IL1RAPL2: variants seen among roughly 807,000 people sequenced by gnomAD.
IL1RAPL2 encodes the protein interleukin 1 receptor accessory protein like 2, also known as X-linked interleukin-1 receptor accessory protein-like 2.
Under a neutral mutation model 44.1 loss-of-function variants are expected in IL1RAPL2, and 3 were observed. That is an observed-to-expected ratio of 0.07 (90% CI 0.03 to 0.18). The LOEUF (loss-of-function observed/expected upper bound fraction) is 0.18, where lower values mean the gene tolerates loss of function less well. Among genes scored for constraint, IL1RAPL2 ranks in the 10% least tolerant of loss-of-function variants. IL1RAPL2 has a pLI of 1.00. For missense variants in IL1RAPL2, 391 were observed against 496.4 expected, an observed-to-expected ratio of 0.79 and a Z score of 2.02; for synonymous variants, 181 against 178.8, an observed-to-expected ratio of 1.01 and a Z score of -0.10.
rs2032540366 is a variant in IL1RAPL2 at position 105,091,264 on chromosome X, T to C, written c.83-104211T>C. ...GAAGCTTTTTGCAAAGACAGCCTCT[T>C]CTCAAATGTATACCTGGCAGTAATT... On this transcript the variant is annotated intron_variant, in intron 2 of 10. Coordinates refer to ENST00000372582, the MANE Select transcript of IL1RAPL2 (RefSeq NM_017416.2). Among the ~76,000 whole-genome samples, 4 of 112,020 alleles carry C rather than the reference T, an allele frequency of 3.6e-5. No homozygotes were observed. In the South Asian group the frequency reaches 1.5e-3, roughly 41 times the overall value.
chrX:105,319,754 CAAAT>C (rs1017080140), intron 5 of IL1RAPL2, among the ~76,000 whole-genome samples: 1 of 111,684 alleles, frequency 9.0e-6, no homozygotes, highest in Non-Finnish European at 1.9e-5. Context: ...CAGTACATCA[CAAAT>C]AAAATGCACG....
At chrX:104,586,398 G>GT (rs1217851676) in intron 1 of IL1RAPL2, among the ~76,000 whole-genome samples, 2 of 111,820 alleles carry the variant, frequency 1.8e-5, no homozygotes, top group Non-Finnish European at 1.9e-5. Context: ...AGGTTTTCCT[G>GT]TTTTTTCTGT....
intron 2 of IL1RAPL2, among the ~76,000 whole-genome samples, chrX:104,767,847 A>G (rs1014786421): frequency 1.8e-5 from 2 of 111,751 alleles, no homozygotes; most frequent in African/African-American, 6.5e-5. Context: ...TGAAACTAAG[A>G]GGCAAAACTT....
At chrX:104,736,295 A>G (rs1428560789) in intron 2 of IL1RAPL2, among the ~76,000 whole-genome samples, 2 of 112,192 alleles carry the variant, frequency 1.8e-5, no homozygotes, top group African/African-American at 3.2e-5. Flanking sequence ...AGAAGATTAT[A>G]TAGGCTATTG....
intron 5 of IL1RAPL2, among the ~76,000 whole-genome samples, chrX:105,355,814 G>A (rs2035197752): frequency 9.0e-6 from 1 of 111,342 alleles, no homozygotes; most frequent in Admixed American, 9.7e-5. Context: ...TAGGCTGCTG[G>A]TAAATATTTG....
chrX:105,435,542 G>T (rs2035875805), intron 5 of IL1RAPL2, among the ~76,000 whole-genome samples: 1 of 111,583 alleles, frequency 9.0e-6, no homozygotes, highest in African/African-American at 3.3e-5. Flanking sequence ...CCATTACTGG[G>T]TCTATACACA....
intron 2 of IL1RAPL2, among the ~76,000 whole-genome samples, chrX:104,801,678 A>T (rs373580148): frequency 2.7e-5 from 3 of 111,494 alleles, no homozygotes; most frequent in African/African-American, 9.8e-5. Flanking sequence ...CTTGATTTAG[A>T]TGAGAAAGGA....
intron 1 of IL1RAPL2, among the ~76,000 whole-genome samples, chrX:104,594,897 C>A (rs1213163988): frequency 9.0e-6 from 1 of 111,644 alleles, no homozygotes; most frequent in Non-Finnish European, 1.9e-5. Context: ...GGGAAAAGAG[C>A]AGTGTAGCTG....
intron 6 of IL1RAPL2, among the ~76,000 whole-genome samples, chrX:105,697,789 A>G (rs1172560916): frequency 1.8e-5 from 2 of 111,965 alleles, no homozygotes; most frequent in African/African-American, 6.5e-5. Flanking sequence ...AAATGCTGTT[A>G]TGATGAATAA....
chrX:105,378,510 A>ATACCATATCATTATT (rs2035405064), intron 5 of IL1RAPL2, among the ~76,000 whole-genome samples: 1 of 111,655 alleles, frequency 9.0e-6, no homozygotes, highest in Admixed American at 9.5e-5. Flanking sequence ...ATGGTGATAA[A>ATACCATATCATTATT]AGCTAATAAA....
chrX:104,834,002 G>T (rs762348797), intron 2 of IL1RAPL2, among the ~76,000 whole-genome samples: 1 of 110,830 alleles, frequency 9.0e-6, no homozygotes, highest in African/African-American at 3.3e-5. Context: ...CTTTTTATTG[G>T]AATCTCAGTT....
chrX:105,656,320 A>G (rs2037676923), intron 6 of IL1RAPL2, among the ~76,000 whole-genome samples: 1 of 112,276 alleles, frequency 8.9e-6, no homozygotes, highest in South Asian at 3.7e-4. Flanking sequence ...AGTTCTACAT[A>G]TGCATACCCC....
intron 2 of IL1RAPL2, among the ~76,000 whole-genome samples, chrX:104,893,585 T>C (rs1411352103): frequency 9.0e-6 from 1 of 111,561 alleles, no homozygotes; most frequent in Non-Finnish European, 1.9e-5. Flanking sequence ...TTAAAGTCTG[T>C]TTTATCAGAG....
intron 5 of IL1RAPL2, among the ~76,000 whole-genome samples, chrX:105,475,352 C>T (rs1160968480): frequency 9.0e-6 from 1 of 111,007 alleles, no homozygotes; most frequent in Non-Finnish European, 1.9e-5. Context: ...CCTTGGGTAT[C>T]ATATTATATT....
intron 1 of IL1RAPL2, among the ~76,000 whole-genome samples, chrX:104,619,807 T>C: frequency 8.9e-6 from 1 of 111,817 alleles, no homozygotes; most frequent in East Asian, 2.8e-4. Context: ...AGATAGACAT[T>C]GAAGAAATAT....
chrX:105,560,376 C>A (rs765233420), intron 6 of IL1RAPL2, among the ~76,000 whole-genome samples: 2 of 111,746 alleles, frequency 1.8e-5, no homozygotes, highest in African/African-American at 6.5e-5. Flanking sequence ...GATGCCTGGA[C>A]TTTACTCCCA....
At chrX:105,523,805 G>C (rs1702213709) in intron 6 of IL1RAPL2, among the ~76,000 whole-genome samples, 1 of 110,197 alleles carries the variant, frequency 9.1e-6, no homozygotes. Flanking sequence ...AAAAAAAAAT[G>C]ATCAGCCTAA....
In IL1RAPL2 at chrX:104,853,504, G is replaced by A. The variant is rs762865721; in HGVS notation, c.82+194509G>A. Among the ~76,000 whole-genome samples, 4 of 111,392 alleles carry A rather than the reference G, an allele frequency of 3.6e-5. No individual in the cohort carries two copies. The Admixed American group carries it at 3.8e-4, about 11-fold the overall frequency. On this transcript the variant is annotated intron_variant, in intron 2 of 10. Coordinates refer to ENST00000372582, the MANE Select transcript of IL1RAPL2 (RefSeq NM_017416.2). ...GGGAATGTGGGAGGTTTATGGTGGA[G>A]CAGGAGGTTACAGGATGAAAAACCT...
rs896943688 is a variant in IL1RAPL2 at position 104,941,832 on chromosome X, G to A, written c.83-253643G>A. ...TTCTTCTAGGGTTTTTATGGTTTTAGGTCTAACATTTAAGTCTTTAATCCA... is the reference window on the plus strand; with the variant it reads ...TTCTTCTAGGGTTTTTATGGTTTTAAGTCTAACATTTAAGTCTTTAATCCA... On this transcript the variant is annotated intron_variant, in intron 2 of 10. Transcript: ENST00000372582. Among the ~76,000 whole-genome samples the A allele has an allele frequency of 4.6e-4, 51 of 111,758 alleles. 1 individual carries two copies. The highest frequency in any genetic ancestry group is 8.3e-4 in the Non-Finnish European group (44 of 53,192).
Sources: allele counts gnomAD v4.1 joint callset (sites outside exome capture counted in the v4.1 genomes callset), GRCh38; gene constraint gnomAD v4.1.1; transcripts MANE v1.5; gene names NCBI Gene and HGNC (gene_info 2026-07-23, HGNC 2026-07-21).